The following NRG1 variants were observed in gnomAD, a reference collection of about 807,000 sequenced individuals.
The protein encoded by NRG1 is pro-neuregulin-1, membrane-bound isoform.
A neutral mutation model predicts 63.8 loss-of-function variants in NRG1; 18 were observed. The observed-to-expected ratio is 0.28, with a 90% confidence interval of 0.19 to 0.42. The LOEUF is 0.42. Ranked by LOEUF, NRG1 falls within the 10% of genes least tolerant of loss-of-function variation. NRG1 has a pLI of 1.00. For synonymous variants in NRG1, 302 were observed against 301.3 expected (o/e 1.00, Z -0.02); for missense variants, 762 against 814.7 (o/e 0.94, Z 0.79).
chr8:32,104,592 T>C (rs1212397491), intron 1 of NRG1, among the ~76,000 whole-genome samples: 1 of 152,222 alleles, frequency 6.6e-6, no homozygotes, highest in African/African-American at 2.4e-5. Flanking sequence ...TTTTCAATAA[T>C]AGCTTGAAAT....
intron 1 of NRG1, among the ~76,000 whole-genome samples, chr8:32,093,104 CG>C (rs1187508238): frequency 6.6e-6 from 1 of 152,154 alleles, no homozygotes; most frequent in Non-Finnish European, 1.5e-5. Context: ...AAGAAGTAGA[CG>C]TGAGAGACTC....
intron 1 of NRG1, among the ~76,000 whole-genome samples, chr8:32,268,476 T>C (rs1851217088): frequency 6.6e-6 from 1 of 152,362 alleles, no homozygotes; most frequent in African/African-American, 2.4e-5. Context: ...TGATTTGTTT[T>C]ACTCTTATTT....
chr8:32,669,378 C>A (rs539557353), intron 5 of NRG1, among the ~76,000 whole-genome samples: 1 of 152,032 alleles, frequency 6.6e-6, no homozygotes, highest in African/African-American at 2.4e-5. Context: ...ACCCTGGAGC[C>A]CAAAAGAAGT....
At chr8:32,349,752 T>A (rs946723980) in intron 1 of NRG1, among the ~76,000 whole-genome samples, 1 of 152,156 alleles carries the variant, frequency 6.6e-6, no homozygotes, top group Admixed American at 6.5e-5. Context: ...AGTGGTGTTT[T>A]CTGATTCCCT....
intron 5 of NRG1, among the ~76,000 whole-genome samples, chr8:32,689,530 A>C (rs1444774060): frequency 6.6e-6 from 1 of 152,102 alleles, no homozygotes; most frequent in Non-Finnish European, 1.5e-5. Flanking sequence ...AGATACCTGC[A>C]ATTGTGCTTT....
At chr8:32,402,068 C>T (rs1487651290) in intron 1 of NRG1, among the ~76,000 whole-genome samples, 1 of 152,068 alleles carries the variant, frequency 6.6e-6, no homozygotes, top group Non-Finnish European at 1.5e-5. Context: ...CCTACCACAA[C>T]GCCAGGCTAA....
At chr8:32,409,415 A>G (rs1814570368) in intron 1 of NRG1, among the ~76,000 whole-genome samples, 1 of 152,256 alleles carries the variant, frequency 6.6e-6, no homozygotes, top group Admixed American at 6.5e-5. Context: ...ATGGGACTTC[A>G]TTAAACTAAA....
At chr8:32,558,265 A>G (rs1405229927) in intron 1 of NRG1, among the ~76,000 whole-genome samples, 1 of 152,182 alleles carries the variant, frequency 6.6e-6, no homozygotes, top group Non-Finnish European at 1.5e-5. Flanking sequence ...ATTACTTGCA[A>G]TATGCTACTG....
chr8:31,944,700 AAGAGAGC>A (rs34376985), intron 1 of NRG1, among the ~76,000 whole-genome samples: 6,252 of 152,258 alleles, frequency 0.041, 453 homozygotes, highest in African/African-American at 0.14. Context: ...ATCCTTTCCG[AAGAGAGC>A]AAGTAATAAT....
At chr8:32,331,409 T>C (rs1389041872) in intron 1 of NRG1, among the ~76,000 whole-genome samples, 1 of 149,338 alleles carries the variant, frequency 6.7e-6, no homozygotes, top group African/African-American at 2.5e-5. Context: ...TATGCCCCTG[T>C]TGTCCTAGCT....
chr8:31,753,335 C>CA (rs113033479), intron 1 of NRG1, among the ~76,000 whole-genome samples: 127 of 144,582 alleles, frequency 8.8e-4, no homozygotes, highest in East Asian at 1.5e-3. Context: ...AATCAGTCAT[C>CA]AAAAAAAAAA....
At chr8:31,791,205 CAAAAA>C (rs35966484) in intron 1 of NRG1, among the ~76,000 whole-genome samples, 24 of 98,708 alleles carry the variant, frequency 2.4e-4, no homozygotes, top group African/African-American at 8.5e-4. Context: ...GAAACTGTGC[CAAAAA>C]AAAAAAAAAA....
intron 1 of NRG1, among the ~76,000 whole-genome samples, chr8:32,162,364 T>A (rs989445727): frequency 1.3e-5 from 2 of 152,194 alleles, no homozygotes; most frequent in African/African-American, 4.8e-5. Context: ...CATGCGTACA[T>A]TTTTCACCTT....
intron 1 of NRG1, among the ~76,000 whole-genome samples, chr8:32,440,037 G>A (rs1015859890): frequency 6.6e-6 from 1 of 152,060 alleles, no homozygotes; most frequent in Admixed American, 6.6e-5. Context: ...CTCCTGGCTG[G>A]GGAGGCCTCA....
At chr8:32,375,778 G>A (rs984833724) in intron 1 of NRG1, among the ~76,000 whole-genome samples, 3 of 152,172 alleles carry the variant, frequency 2.0e-5, no homozygotes, top group Non-Finnish European at 2.9e-5. Context: ...GTAAAGAGCT[G>A]TGCCTCATAG....
chr8:32,308,617 A>G (rs1028401134), intron 1 of NRG1, among the ~76,000 whole-genome samples: 3 of 152,086 alleles, frequency 2.0e-5, no homozygotes, highest in African/African-American at 7.2e-5. Context: ...CTCTTCCACC[A>G]TTCTTTCTCT....
At chr8:32,005,033 A>C (rs1291131795) in intron 1 of NRG1, among the ~76,000 whole-genome samples, 1 of 151,762 alleles carries the variant, frequency 6.6e-6, no homozygotes, top group Non-Finnish European at 1.5e-5. Flanking sequence ...GAAAAGAAGG[A>C]AAAAAAGAAA....
At chr8:32,711,179 T>A (rs749941620) in intron 5 of NRG1, among the ~76,000 whole-genome samples, 2 of 151,988 alleles carry the variant, frequency 1.3e-5, no homozygotes, top group Non-Finnish European at 2.9e-5. Flanking sequence ...TCCTCTTTAT[T>A]ATTTTGAGAA....
At chr8:32,059,866 C>T (rs1186092427) in intron 1 of NRG1, among the ~76,000 whole-genome samples, 1 of 151,890 alleles carries the variant, frequency 6.6e-6, no homozygotes, top group Non-Finnish European at 1.5e-5. Context: ...TCTCTCTTCT[C>T]TTTCTCTGAC....
Sources: allele counts gnomAD v4.1 joint callset (sites outside exome capture counted in the v4.1 genomes callset), GRCh38; gene constraint gnomAD v4.1.1; transcripts MANE v1.5; gene names NCBI Gene and HGNC (gene_info 2026-07-23, HGNC 2026-07-21).